SLC24A3: variants seen among roughly 807,000 people sequenced by gnomAD.
SLC24A3 encodes the protein sodium/potassium/calcium exchanger 3.
In SLC24A3, 28 loss-of-function variants were observed where a neutral mutation model predicts 75.8. That is an observed-to-expected ratio of 0.37 (90% CI 0.27 to 0.51). The LOEUF (loss-of-function observed/expected upper bound fraction) is 0.51, where lower values mean the gene tolerates loss of function less well. SLC24A3 is among the 20% of genes least tolerant of loss of function. The probability of loss-of-function intolerance (pLI) is 0.94; values close to 1 mark genes in which losing one functional copy is unlikely to be tolerated. For synonymous variants in SLC24A3, 372 were observed against 334.1 expected (o/e 1.11, Z -1.24); for missense variants, 663 against 847.8 (o/e 0.78, Z 2.71).
At chr20:19,678,024 G>A (rs1051469684) in intron 9 of SLC24A3, among the ~76,000 whole-genome samples, 1 of 151,438 alleles carries the variant, frequency 6.6e-6, no homozygotes, top group Non-Finnish European at 1.5e-5. Context: ...GGGTTGGGGG[G>A]TAAGGTCACA....
chr20:19,445,794 G>T (rs1987373054), intron 2 of SLC24A3, among the ~76,000 whole-genome samples: 1 of 152,130 alleles, frequency 6.6e-6, no homozygotes, highest in African/African-American at 2.4e-5. Context: ...CAGACAGATG[G>T]GTGCTGACAT....
intron 2 of SLC24A3, among the ~76,000 whole-genome samples, chr20:19,317,222 A>C (rs1013420292): frequency 5.3e-5 from 8 of 152,220 alleles, no homozygotes; most frequent in African/African-American, 1.7e-4. Flanking sequence ...AAACCCTAGA[A>C]GAAAACCCAG....
At chr20:19,215,252 A>G (rs1981522443) in intron 1 of SLC24A3, among the ~76,000 whole-genome samples, 2 of 152,226 alleles carry the variant, frequency 1.3e-5, no homozygotes, top group South Asian at 4.1e-4. Context: ...CCTTTGGTAC[A>G]GATACTGAAG....
At chr20:19,708,031 C>T (rs2032948648) in intron 15 of SLC24A3, among the ~76,000 whole-genome samples, 1 of 152,052 alleles carries the variant, frequency 6.6e-6, no homozygotes, top group South Asian at 2.1e-4. Flanking sequence ...GGGGAAGAAA[C>T]AAACATTCAC....
intron 2 of SLC24A3, among the ~76,000 whole-genome samples, chr20:19,464,054 G>A (rs1987723609): frequency 6.6e-6 from 1 of 152,236 alleles, no homozygotes; most frequent in African/African-American, 2.4e-5. Context: ...GCCATTGGAA[G>A]TTAGTAGTTT....
At chr20:19,636,643 A>G (rs541673570) in intron 6 of SLC24A3, among the ~76,000 whole-genome samples, 1 of 152,268 alleles carries the variant, frequency 6.6e-6, no homozygotes, top group African/African-American at 2.4e-5. Context: ...ATTTACCTCC[A>G]CAGAGCCAGC....
chr20:19,640,662 A>C (rs969976807), intron 6 of SLC24A3, among the ~76,000 whole-genome samples: 7 of 152,142 alleles, frequency 4.6e-5, no homozygotes, highest in Non-Finnish European at 8.8e-5. Flanking sequence ...AGGCAGGAGA[A>C]TCACTTCAAC....
At chr20:19,505,720 C>T (rs1489859402) in intron 2 of SLC24A3, among the ~76,000 whole-genome samples, 1 of 152,192 alleles carries the variant, frequency 6.6e-6, no homozygotes, top group Non-Finnish European at 1.5e-5. Context: ...CACCTTTCAT[C>T]AGACTTTGGT....
In SLC24A3 at chr20:19,586,877, T is replaced by A. The variant is rs369530934; in HGVS notation, c.612+1333T>A. ...AGACTGAATGATTTCCCTCTTCTCA[T>A]CCTCTCAGTCAATGAGCTCATGTCT... On this transcript the variant is annotated intron_variant, in intron 6 of 16. Coordinates refer to ENST00000328041, the MANE Select transcript of SLC24A3 (RefSeq NM_020689.4). Among the ~76,000 whole-genome samples, 3 of 152,222 alleles carry A rather than the reference T, an allele frequency of 2.0e-5. No individual in the cohort carries two copies. The South Asian group carries it at 6.2e-4, about 32-fold the overall frequency.
chr20:19,431,944 G>A (rs189762141), intron 2 of SLC24A3, among the ~76,000 whole-genome samples: 13 of 151,954 alleles, frequency 8.6e-5, no homozygotes, highest in Admixed American at 7.9e-4. Context: ...ATTGCAAAGG[G>A]TTATAGAATT....
intron 1 of SLC24A3, among the ~76,000 whole-genome samples, chr20:19,248,540 C>G (rs1982560778): frequency 6.6e-6 from 1 of 152,072 alleles, no homozygotes; most frequent in East Asian, 1.9e-4. Flanking sequence ...CCCTAGTACC[C>G]TTTTGGCGGA....
In SLC24A3 at chr20:19,704,161, GGATGGAGAGATGGATGGATGGATGGAGA is replaced by G. The variant is rs2032902278; in HGVS notation, c.1719+5488_1719+5515del. Among the ~76,000 whole-genome samples, 3 of 140,450 alleles carry G rather than the reference GGATGGAGAGATGGATGGATGGATGGAGA, an allele frequency of 2.1e-5. No individual in the cohort carries two copies. The Admixed American group carries it at 2.2e-4, about 10-fold the overall frequency. The allele number at this position is 140,450 out of a possible 152,430, so 92.1% of individuals were successfully genotyped here. A position where few individuals can be genotyped will look rare whatever the true frequency, so the allele number is the denominator to read the frequency against. On this transcript the variant is annotated intron_variant, in intron 15 of 16. Coordinates refer to ENST00000328041, the MANE Select transcript of SLC24A3 (RefSeq NM_020689.4). The stretch of plus-strand genomic sequence containing the variant: ...ATATTTGTTGGATGGATGGATGGAT[GGATGGAGAGATGGATGGATGGATGGAGA>G]GATGGATGGATGGATAGATGGATGG...
At chr20:19,621,663 T>C (rs1048347434) in intron 6 of SLC24A3, among the ~76,000 whole-genome samples, 6 of 152,184 alleles carry the variant, frequency 3.9e-5, no homozygotes, top group Non-Finnish European at 8.8e-5. Context: ...GATTCTAATT[T>C]GAAAGGACTG....
At chr20:19,560,195 A>G (rs2030853458) in intron 3 of SLC24A3, among the ~76,000 whole-genome samples, 2 of 152,104 alleles carry the variant, frequency 1.3e-5, no homozygotes, top group Admixed American at 6.6e-5. Flanking sequence ...CAAAGGGGGG[A>G]ATTAAAGAGC....
At chr20:19,532,883 G>A (rs2030327665) in intron 3 of SLC24A3, among the ~76,000 whole-genome samples, 1 of 152,188 alleles carries the variant, frequency 6.6e-6, no homozygotes, top group South Asian at 2.1e-4. Context: ...CCCTGATTGG[G>A]ATGTCATTCA....
intron 6 of SLC24A3, among the ~76,000 whole-genome samples, chr20:19,627,653 G>A (rs2031881143): frequency 6.6e-6 from 1 of 152,156 alleles, no homozygotes; most frequent in Non-Finnish European, 1.5e-5. Flanking sequence ...AAAAGAATAA[G>A]TCATGCCTGA....
intron 6 of SLC24A3, among the ~76,000 whole-genome samples, chr20:19,632,832 C>T (rs73283570): frequency 0.012 from 1,822 of 152,292 alleles, 42 homozygotes; most frequent in African/African-American, 0.041. Context: ...TTAAACAATG[C>T]CAGGCCTGGT....
chr20:19,545,219 A>G lies in SLC24A3; in HGVS notation c.348+29655A>G, dbSNP rs368426302. Among the ~76,000 whole-genome samples the G allele has an allele frequency of 1.5e-4, 23 of 152,318 alleles. No homozygotes were observed. In the East Asian group the frequency reaches 3.9e-3, roughly 26 times the overall value. ...GTGGGTGAGAAGGCAGCACATAAGTACATGCAATTATCCAGCTCTGCAGGA... is the reference window on the plus strand; with the variant it reads ...GTGGGTGAGAAGGCAGCACATAAGTGCATGCAATTATCCAGCTCTGCAGGA... On this transcript the variant is annotated intron_variant, in intron 3 of 16. Coordinates refer to ENST00000328041, the MANE Select transcript of SLC24A3 (RefSeq NM_020689.4).
chr20:19,276,412 G>A (rs1377309020), intron 1 of SLC24A3, among the ~76,000 whole-genome samples: 1 of 152,154 alleles, frequency 6.6e-6, no homozygotes, highest in Non-Finnish European at 1.5e-5. Flanking sequence ...TGCACTGTTA[G>A]GCGATTTTGT....
Sources: allele counts gnomAD v4.1 joint callset (sites outside exome capture counted in the v4.1 genomes callset), GRCh38; gene constraint gnomAD v4.1.1; transcripts MANE v1.5; gene names NCBI Gene and HGNC (gene_info 2026-07-23, HGNC 2026-07-21).